LUZP2: variants seen among roughly 807,000 people sequenced by gnomAD.
LUZP2 encodes leucine zipper protein 2.
LUZP2 carries 52 observed loss-of-function variants against 51.6 expected under a neutral mutation model. The observed-to-expected ratio is 1.01, with a 90% CI of 0.81 to 1.27. LUZP2 has a LOEUF of 1.27. Among genes scored for constraint, LUZP2 ranks in the 50% most tolerant of loss-of-function variants. LUZP2 has a pLI of 0.00. For missense variants in LUZP2, 436 were observed against 395.4 expected (o/e 1.10, Z -0.87); for synonymous variants, 154 against 137.3 (o/e 1.12, Z -0.85).
At chr11:24,735,719 G>A (rs1369830891) in intron 3 of LUZP2, among the ~76,000 whole-genome samples, 1 of 151,872 alleles carries the variant, frequency 6.6e-6, no homozygotes, top group Non-Finnish European at 1.5e-5. Context: ...AACACAAAAT[G>A]TTATGCTGAA....
intron 7 of LUZP2, among the ~76,000 whole-genome samples, chr11:24,918,320 C>G (rs1853869175): frequency 2.0e-5 from 3 of 151,922 alleles, no homozygotes; most frequent in Non-Finnish European, 4.4e-5. Context: ...AATTGAATAC[C>G]CTTTATTTCT....
intron 9 of LUZP2, among the ~76,000 whole-genome samples, chr11:24,984,996 ATG>A (rs1856150620): frequency 6.6e-6 from 1 of 151,614 alleles, no homozygotes; most frequent in Non-Finnish European, 1.5e-5. Context: ...GTCCAGAATG[ATG>A]TTTCTAGAAA....
At chr11:24,963,888 G>A (rs527622262) in intron 7 of LUZP2, among the ~76,000 whole-genome samples, 5 of 152,260 alleles carry the variant, frequency 3.3e-5, no homozygotes, top group African/African-American at 1.2e-4. Context: ...GACCGGAGCT[G>A]TTCCTATTTG....
chr11:24,692,885 A>C (rs1857120326), intron 1 of LUZP2, among the ~76,000 whole-genome samples: 1 of 152,038 alleles, frequency 6.6e-6, no homozygotes, highest in African/African-American at 2.4e-5. Flanking sequence ...CCTTCAAATA[A>C]CTGCATATGG....
At chr11:24,724,924 T>G (rs1424442010) in intron 1 of LUZP2, among the ~76,000 whole-genome samples, 2 of 152,126 alleles carry the variant, frequency 1.3e-5, no homozygotes, top group Non-Finnish European at 2.9e-5. Flanking sequence ...TAGCAATAAG[T>G]CTAACAAAAA....
At chr11:24,710,173 T>C (rs4353276) in intron 1 of LUZP2, among the ~76,000 whole-genome samples, 10,368 of 152,126 alleles carry the variant, frequency 0.068, 1,164 homozygotes, top group African/African-American at 0.23. Flanking sequence ...ACGGTGATAT[T>C]CTCAAAGGAA....
chr11:24,744,929 A>C (rs976620628), intron 4 of LUZP2, among the ~76,000 whole-genome samples: 14 of 152,074 alleles, frequency 9.2e-5, no homozygotes, highest in African/African-American at 3.4e-4. Context: ...TTCAGTTTGA[A>C]GATTTTTAAA....
At chr11:24,625,144 G>C (rs1040862498) in intron 1 of LUZP2, among the ~76,000 whole-genome samples, 3 of 146,958 alleles carry the variant, frequency 2.0e-5, no homozygotes, top group Non-Finnish European at 4.5e-5. Flanking sequence ...AATTAAACTT[G>C]TGAAAATAGA....
At chr11:24,767,834 G>A (rs771974087) in intron 5 of LUZP2, among the ~76,000 whole-genome samples, 9 of 152,104 alleles carry the variant, frequency 5.9e-5, no homozygotes, top group South Asian at 2.1e-4. Flanking sequence ...ACAAGGAAAC[G>A]AATGAAAAAT....
At chr11:24,515,545 A>C (rs1850437507) in intron 1 of LUZP2, among the ~76,000 whole-genome samples, 1 of 152,094 alleles carries the variant, frequency 6.6e-6, no homozygotes, top group Non-Finnish European at 1.5e-5. Flanking sequence ...GGGAGACAAA[A>C]AGTGCAAAGA....
chr11:24,878,629 T>C (rs1440579463), intron 5 of LUZP2, among the ~76,000 whole-genome samples: 1 of 148,608 alleles, frequency 6.7e-6, no homozygotes, highest in Non-Finnish European at 1.5e-5. Context: ...CCTTTTAGTT[T>C]TTATTTTATT....
intron 7 of LUZP2, among the ~76,000 whole-genome samples, chr11:24,954,973 G>A (rs944711784): frequency 2.6e-5 from 4 of 151,968 alleles, no homozygotes; most frequent in Non-Finnish European, 5.9e-5. Flanking sequence ...AGAAGGGTCA[G>A]GTACATGTGA....
At chr11:24,520,279 G>A (rs758251166) in intron 1 of LUZP2, among the ~76,000 whole-genome samples, 1 of 152,128 alleles carries the variant, frequency 6.6e-6, no homozygotes, top group East Asian at 1.9e-4. Flanking sequence ...ACGCACTAGT[G>A]TATGACCGAA....
chr11:24,593,855 G>T (rs75048873), intron 1 of LUZP2, among the ~76,000 whole-genome samples: 3,194 of 152,264 alleles, frequency 0.021, 113 homozygotes, highest in African/African-American at 0.071. Context: ...CCTTGAGGGA[G>T]TGACAAGGTC....
rs185062172 is a variant in LUZP2 at position 24,740,341 on chromosome 11, G to C, written c.333+2039G>C. Among the ~76,000 whole-genome samples the C allele has an allele frequency of 4.3e-3, 650 of 152,250 alleles. 4 individuals carry two copies. The highest frequency in any genetic ancestry group is 6.6e-3 in the Non-Finnish European group (451 of 68,006). ...CACAAACCAAAGTTAGAATATCCAAGTATGACAAATGTCATGGACAAATAA... is the reference window on the plus strand; with the variant it reads ...CACAAACCAAAGTTAGAATATCCAACTATGACAAATGTCATGGACAAATAA... On this transcript the variant is annotated intron_variant, in intron 4 of 11. Coordinates refer to ENST00000336930, the MANE Select transcript of LUZP2 (RefSeq NM_001009909.4).
At chr11:24,933,676 C>A (rs7481329) in intron 7 of LUZP2, among the ~76,000 whole-genome samples, 74,712 of 151,896 alleles carry the variant, frequency 0.49, 18,583 homozygotes, top group East Asian at 0.77. Context: ...AAGAGTTTGT[C>A]AAATGTTTCA....
intron 9 of LUZP2, among the ~76,000 whole-genome samples, chr11:25,045,676 A>G (rs1170756140): frequency 6.6e-6 from 1 of 152,160 alleles, no homozygotes; most frequent in African/African-American, 2.4e-5. Flanking sequence ...AATTTACTGA[A>G]TATCTATGCT....
At chr11:24,785,803 C>A in intron 5 of LUZP2, 1 of 927,492 alleles carries the variant, frequency 1.1e-6, no homozygotes, top group Non-Finnish European at 1.3e-6. Context: ...GCCCACACTT[C>A]TCCTTTCACA....
At chr11:24,676,911 CCCT>C (rs753688328) in intron 1 of LUZP2, among the ~76,000 whole-genome samples, 2 of 152,142 alleles carry the variant, frequency 1.3e-5, no homozygotes, top group Non-Finnish European at 2.9e-5. Context: ...AGGTGATCAG[CCCT>C]CCTAGGCCTC....
Sources: allele counts gnomAD v4.1 joint callset (sites outside exome capture counted in the v4.1 genomes callset), GRCh38; gene constraint gnomAD v4.1.1; transcripts MANE v1.5; gene names NCBI Gene and HGNC (gene_info 2026-07-23, HGNC 2026-07-21).